The following GRID2 variants were observed in gnomAD, a reference collection of about 807,000 sequenced individuals.
GRID2 encodes the protein glutamate ionotropic receptor delta type subunit 2, also known as glutamate receptor ionotropic, delta-2.
GRID2 carries 33 observed loss-of-function variants against 114.8 expected under a neutral mutation model. The ratio of observed to expected loss-of-function variants is 0.29; its 90% CI spans 0.22 to 0.38. The LOEUF is 0.38. Ranked by LOEUF, GRID2 falls within the 10% of genes least tolerant of loss-of-function variation. GRID2 has a pLI of 1.00. For synonymous variants in GRID2, 505 were observed against 449.9 expected (o/e 1.12, Z -1.55); for missense variants, 1,184 against 1,257.7 (o/e 0.94, Z 0.89).
chr4:92,446,128 G>A (rs945266653), intron 1 of GRID2, among the ~76,000 whole-genome samples: 9 of 152,086 alleles, frequency 5.9e-5, no homozygotes, highest in African/African-American at 2.2e-4. Flanking sequence ...TGTATTTTTA[G>A]TAGAGACGGG....
chr4:93,584,310 G>GA (rs34192041), intron 13 of GRID2, among the ~76,000 whole-genome samples: 1 of 152,006 alleles, frequency 6.6e-6, no homozygotes, highest in African/African-American at 2.4e-5. Flanking sequence ...ATAAAACTGG[G>GA]AAAAAATAAT....
chr4:93,459,034 G>A (rs990934736), intron 11 of GRID2, among the ~76,000 whole-genome samples: 3 of 151,858 alleles, frequency 2.0e-5, no homozygotes, highest in Non-Finnish European at 4.4e-5. Context: ...ACAAAAAAAT[G>A]CCAGGCATGG....
At chr4:92,401,795 T>C (rs2110282267) in intron 1 of GRID2, among the ~76,000 whole-genome samples, 1 of 152,254 alleles carries the variant, frequency 6.6e-6, no homozygotes, top group African/African-American at 2.4e-5. Flanking sequence ...TGGTTGCTGA[T>C]GGTTAGGGTG....
chr4:92,713,961 A>G (rs558243023), intron 2 of GRID2, among the ~76,000 whole-genome samples: 92 of 152,112 alleles, frequency 6.0e-4, no homozygotes, highest in African/African-American at 2.1e-3. Flanking sequence ...TTCAAAACCA[A>G]TCATGCCTTC....
At chr4:93,084,896 T>C (rs898487075) in intron 2 of GRID2, 99 bp from the exon 3 acceptor site, 11 of 795,304 alleles carry the variant, frequency 1.4e-5, no homozygotes, top group Non-Finnish European at 2.2e-5. Context: ...TTCATAGCTA[T>C]ATAAAAAATC....
At chr4:93,277,405 G>T (rs1237698368) in intron 8 of GRID2, among the ~76,000 whole-genome samples, 1 of 151,656 alleles carries the variant, frequency 6.6e-6, no homozygotes, top group South Asian at 2.1e-4. Flanking sequence ...ACTTATTAAA[G>T]ATATTTCAAT....
intron 1 of GRID2, among the ~76,000 whole-genome samples, chr4:92,350,373 T>A (rs996973297): frequency 1.3e-5 from 2 of 151,836 alleles, no homozygotes; most frequent in African/African-American, 4.8e-5. Flanking sequence ...TCTGGATACT[T>A]ATTTCAGATA....
chr4:93,481,726 T>C (rs1268992159), intron 11 of GRID2, among the ~76,000 whole-genome samples: 1 of 152,058 alleles, frequency 6.6e-6, no homozygotes, highest in Non-Finnish European at 1.5e-5. Flanking sequence ...CAATATGTGC[T>C]ACAGAGATAT....
At chr4:93,739,664 C>A (rs1476543839) in intron 14 of GRID2, among the ~76,000 whole-genome samples, 7 of 152,188 alleles carry the variant, frequency 4.6e-5, no homozygotes, top group Non-Finnish European at 8.8e-5. Flanking sequence ...GTTTCTCTCA[C>A]CCCACCCGGC....
At chr4:92,670,887 T>C (rs147693024) in intron 2 of GRID2, among the ~76,000 whole-genome samples, 14 of 152,226 alleles carry the variant, frequency 9.2e-5, no homozygotes, top group Admixed American at 6.6e-4. Context: ...GTCCTGTCAA[T>C]TACTGTACTT....
At chr4:92,308,691 A>G (rs1725542154) in intron 1 of GRID2, among the ~76,000 whole-genome samples, 1 of 152,116 alleles carries the variant, frequency 6.6e-6, no homozygotes, top group African/African-American at 2.4e-5. Context: ...TTATTTTGAC[A>G]ATTACAGCAT....
At chr4:92,371,200 G>A (rs933720021) in intron 1 of GRID2, among the ~76,000 whole-genome samples, 2 of 152,180 alleles carry the variant, frequency 1.3e-5, no homozygotes, top group Non-Finnish European at 2.9e-5. Flanking sequence ...AAAGCCTCAA[G>A]AACTGATGTA....
intron 2 of GRID2, among the ~76,000 whole-genome samples, chr4:92,783,358 G>A (rs962475751): frequency 1.3e-5 from 2 of 151,180 alleles, no homozygotes; most frequent in African/African-American, 4.9e-5. Flanking sequence ...ATTCCAAAAT[G>A]CTAGCAAATA....
At chr4:93,635,702 G>A (rs188490151) in intron 14 of GRID2, among the ~76,000 whole-genome samples, 2 of 151,998 alleles carry the variant, frequency 1.3e-5, no homozygotes, top group Admixed American at 6.6e-5. Context: ...CTTTTATGAC[G>A]GATATCCTAT....
chr4:93,589,576 G>T (rs1376512945), intron 13 of GRID2, among the ~76,000 whole-genome samples: 5 of 152,050 alleles, frequency 3.3e-5, no homozygotes, highest in African/African-American at 1.2e-4. Flanking sequence ...CCAGTAATGG[G>T]ATGGCTGGGT....
intron 4 of GRID2, among the ~76,000 whole-genome samples, chr4:93,123,908 G>A (rs868556962): frequency 6.9e-6 from 1 of 144,342 alleles, no homozygotes; most frequent in Non-Finnish European, 1.5e-5. Context: ...AATTATACAG[G>A]TGATTCAAAA....
rs1047443393 is a variant in GRID2 at position 93,059,911 on chromosome 4, G to C, written c.245-25084G>C. Among the ~76,000 whole-genome samples the C allele has an allele frequency of 2.0e-5, 3 of 151,572 alleles. No homozygotes were observed. In the East Asian group the frequency reaches 5.8e-4, roughly 29 times the overall value. On this transcript the variant is annotated intron_variant, in intron 2 of 15. Transcript: ENST00000282020. The stretch of plus-strand genomic sequence containing the variant: ...ATATAATCCTGATACCAATTATATT[G>C]ATAGTTTCTTTTTCAAATTATCTAG...
intron 6 of GRID2, among the ~76,000 whole-genome samples, chr4:93,218,928 C>G (rs1744562769): frequency 6.6e-6 from 1 of 152,128 alleles, no homozygotes; most frequent in South Asian, 2.1e-4. Context: ...CTTGTGAAAA[C>G]TCACTACTAT....
chr4:92,390,065 A>G (rs1730165906), intron 1 of GRID2, among the ~76,000 whole-genome samples: 1 of 152,164 alleles, frequency 6.6e-6, no homozygotes, highest in African/African-American at 2.4e-5. Flanking sequence ...AAAATCTAGC[A>G]TCAATTAAAC....
Sources: allele counts gnomAD v4.1 joint callset (sites outside exome capture counted in the v4.1 genomes callset), GRCh38; gene constraint gnomAD v4.1.1; transcripts MANE v1.5; gene names NCBI Gene and HGNC (gene_info 2026-07-23, HGNC 2026-07-21).